TLN2: variants seen among roughly 807,000 people sequenced by gnomAD.
TLN2 encodes the protein talin 2, also known as talin-2.
A neutral mutation model predicts 294.7 loss-of-function variants in TLN2; 118 were observed. That is an observed-to-expected ratio of 0.40 (90% CI 0.34 to 0.47). The LOEUF is 0.47. TLN2 is among the 20% of genes least tolerant of loss of function. TLN2 has a pLI of 0.84. For synonymous variants in TLN2, 1,431 were observed against 1,304.5 expected (o/e 1.10, Z -2.09); for missense variants, 3,083 against 3,282.2 (o/e 0.94, Z 1.48).
chr15:62,643,527 T>G lies in TLN2; in HGVS notation c.-36-3748T>G, dbSNP rs145149235. On this transcript the variant is annotated intron_variant, in intron 3 of 58. Transcript: ENST00000636159. ...TTGAGGCCACAAGTCTCATAGTGAATGTAGTATTTCTTGTCTGTTGAACAC... is the reference window on the plus strand; with the variant it reads ...TTGAGGCCACAAGTCTCATAGTGAAGGTAGTATTTCTTGTCTGTTGAACAC... Among the ~76,000 whole-genome samples the G allele has an allele frequency of 3.8e-3, 573 of 151,570 alleles. 4 individuals carry two copies. Among genetic ancestry groups the G allele is most frequent in the African/African-American group, 0.013 (554 of 41,196 alleles).
At chr15:62,687,836 C>T (rs1316134950) in intron 12 of TLN2, 1 of 152,200 alleles carries the variant, frequency 6.6e-6, no homozygotes, top group African/African-American at 2.4e-5. Context: ...CCTCTTGTAG[C>T]TGTAACATTT....
chr15:62,827,150 T>C (rs962286368), intron 54 of TLN2, among the ~76,000 whole-genome samples: 3 of 152,172 alleles, frequency 2.0e-5, no homozygotes, highest in African/African-American at 7.2e-5. Context: ...TTCAAGTTCA[T>C]TGGCGGAAGG....
At chr15:62,590,496 C>G (rs376321687) in intron 2 of TLN2, among the ~76,000 whole-genome samples, 6 of 152,270 alleles carry the variant, frequency 3.9e-5, no homozygotes, top group African/African-American at 1.4e-4. Flanking sequence ...AGAACATGAT[C>G]TTGTTCTTTT....
chr15:62,552,957 C>G (rs752536087), intron 1 of TLN2, among the ~76,000 whole-genome samples: 5 of 152,086 alleles, frequency 3.3e-5, no homozygotes, highest in Non-Finnish European at 7.4e-5. Context: ...ATTTTTCTAG[C>G]CTGTATGTCA....
intron 1 of TLN2, among the ~76,000 whole-genome samples, chr15:62,522,272 G>A (rs1024891860): frequency 1.3e-5 from 2 of 151,534 alleles, no homozygotes; most frequent in African/African-American, 4.8e-5. Flanking sequence ...CTATTTTAGA[G>A]GGAAGATACC....
In TLN2 at chr15:62,667,265, G is replaced by A. The variant is rs34834385; in HGVS notation, c.789-6562G>A. Among the ~76,000 whole-genome samples, 850 of 152,228 alleles carry A rather than the reference G, an allele frequency of 5.6e-3. 1 individual carries two copies. Among genetic ancestry groups the A allele is most frequent in the Non-Finnish European group, 8.8e-3 (600 of 67,998 alleles). On this transcript the variant is annotated intron_variant, in intron 9 of 58. Coordinates refer to ENST00000636159, the MANE Select transcript of TLN2 (RefSeq NM_015059.3). ...ACAGGCGTGAGCCACCGTGCCTGGC[G>A]AACACTGGCATTTCTGTCACATTCC...
At chr15:62,399,048 C>T (rs1595719819) in intron 1 of TLN2, among the ~76,000 whole-genome samples, 1 of 152,110 alleles carries the variant, frequency 6.6e-6, no homozygotes, top group East Asian at 1.9e-4. Context: ...GCAGTGGCTA[C>T]AAGGGGCCAA....
intron 11 of TLN2, among the ~76,000 whole-genome samples, chr15:62,678,082 A>AC (rs1177290395): frequency 2.6e-5 from 4 of 151,956 alleles, no homozygotes; most frequent in Non-Finnish European, 4.4e-5. Context: ...GGCGTGAGCC[A>AC]CCACCCCTGG....
chr15:62,480,271 C>T (rs540721049), intron 1 of TLN2, among the ~76,000 whole-genome samples: 7 of 152,188 alleles, frequency 4.6e-5, no homozygotes, highest in Non-Finnish European at 8.8e-5. Flanking sequence ...TGGAGTGCAG[C>T]GGCGCGATCT....
chr15:62,544,844 GT>G (rs996097729), intron 1 of TLN2, among the ~76,000 whole-genome samples: 1 of 149,296 alleles, frequency 6.7e-6, no homozygotes, highest in Non-Finnish European at 1.5e-5. Flanking sequence ...TTTATTCTTA[GT>G]TTTTTTTTCC....
At chr15:62,504,801 C>T (rs966293831) in intron 1 of TLN2, among the ~76,000 whole-genome samples, 1 of 146,166 alleles carries the variant, frequency 6.8e-6, no homozygotes, top group African/African-American at 2.6e-5. Context: ...GAAAGGGTAA[C>T]AGAAAGTAGT....
chr15:62,508,970 C>T lies in TLN2; in HGVS notation c.-237-80717C>T, dbSNP rs561236163. Reference sequence around the variant, plus strand: ...GTGGATGAATTTACTATAAGCCAGCCTGTAATCTTAGTGTTTTACTTATTT... The same window carrying T: ...GTGGATGAATTTACTATAAGCCAGCTTGTAATCTTAGTGTTTTACTTATTT... On this transcript the variant is annotated intron_variant, in intron 1 of 58. Transcript: ENST00000636159. 3.9e-5 allele frequency among the ~76,000 whole-genome samples: 6 copies of T among 152,308 alleles called. No individual in the cohort carries two copies. In the East Asian group the frequency reaches 1.2e-3, roughly 29 times the overall value.
chr15:62,826,939 C>T (rs954535513), intron 54 of TLN2, among the ~76,000 whole-genome samples: 1 of 152,136 alleles, frequency 6.6e-6, no homozygotes, highest in Non-Finnish European at 1.5e-5. Flanking sequence ...AGGCATTCTG[C>T]AAGACTCTGA....
At chr15:62,635,545 G>C (rs886137452) in intron 3 of TLN2, among the ~76,000 whole-genome samples, 2 of 152,152 alleles carry the variant, frequency 1.3e-5, no homozygotes, top group Non-Finnish European at 2.9e-5. Context: ...ATACATATTG[G>C]AAGGAAATGT....
At chr15:62,415,726 G>T (rs935798151) in intron 1 of TLN2, among the ~76,000 whole-genome samples, 2 of 152,190 alleles carry the variant, frequency 1.3e-5, no homozygotes, top group Non-Finnish European at 2.9e-5. Flanking sequence ...TGGGCTCACG[G>T]TCGCTGGGTC....
intron 36 of TLN2, 56 bp downstream of exon 36, chr15:62,753,972 G>A: frequency 7.0e-7 from 1 of 1,430,984 alleles, no homozygotes; most frequent in Non-Finnish European, 9.2e-7. Flanking sequence ...CTCTAGGTAA[G>A]TTGTGGGAGA....
chr15:62,640,161 T>C (rs1031352675), intron 3 of TLN2: 22 of 455,556 alleles, frequency 4.8e-5, no homozygotes, highest in Non-Finnish European at 7.9e-5. Context: ...GGTTCTTACC[T>C]GCAGAGGAGC....
rs57787314 is a variant in TLN2, at chr15:62,835,333, CG to C, written c.7129-401del. On this transcript the variant is annotated intron_variant, in intron 55 of 58. Transcript: ENST00000636159. ...CAGTGTGGTTTTCAGGGTCAGTAAT[CG>C]GGAGAGATTTAAATTTCTCTTAGCC... is the stretch of plus-strand genomic sequence containing the variant. 1,414 of 214,236 alleles carry C rather than the reference CG, an allele frequency of 6.6e-3. 12 individuals are homozygous for C. The highest frequency in any genetic ancestry group is 0.033 in the East Asian group (290 of 8,684). 13.3% of individuals were successfully genotyped at this position (214,236 alleles called of 1,614,324 possible).
intron 1 of TLN2, among the ~76,000 whole-genome samples, chr15:62,533,964 A>T (rs2041191001): frequency 6.6e-6 from 1 of 152,194 alleles, no homozygotes; most frequent in Non-Finnish European, 1.5e-5. Context: ...AATTAACAAG[A>T]AGCAGTCACT....
Sources: allele counts gnomAD v4.1 joint callset (sites outside exome capture counted in the v4.1 genomes callset), GRCh38; gene constraint gnomAD v4.1.1; transcripts MANE v1.5; gene names NCBI Gene and HGNC (gene_info 2026-07-23, HGNC 2026-07-21).